Variants in ITPKB observed in about 807,000 individuals in gnomAD.
The protein encoded by ITPKB is IP3 3-kinase B.
ITPKB carries 13 observed loss-of-function variants against 69.4 expected under a neutral mutation model. The observed-to-expected ratio is 0.19, with a 90% confidence interval of 0.12 to 0.30. The LOEUF is 0.30. Among genes scored for constraint, ITPKB ranks in the 10% least tolerant of loss-of-function variants. The probability of loss-of-function intolerance (pLI) is 1.00; values close to 1 mark genes in which losing one functional copy is unlikely to be tolerated. For missense variants in ITPKB, 1,240 were observed against 1,250.5 expected (o/e 0.99, Z 0.13); for synonymous variants, 584 against 513.7 (o/e 1.14, Z -1.85).
intron 2 of ITPKB, chr1:226,669,118 A>T (rs1357198724): frequency 6.6e-6 from 1 of 152,204 alleles, no homozygotes; most frequent in Non-Finnish European, 1.5e-5. Flanking sequence ...GGAGTATTTT[A>T]AAAAATCTAC....
intron 2 of ITPKB, among the ~76,000 whole-genome samples, chr1:226,667,235 G>A (rs914116835): frequency 2.6e-5 from 4 of 152,176 alleles, no homozygotes; most frequent in Admixed American, 2.0e-4. Flanking sequence ...CTTGAGGACT[G>A]GAAATGGCCA....
rs1185864560 is a variant in ITPKB at position 226,737,666 on chromosome 1, G to A, written c.-205-3C>T. On this transcript the variant is annotated splice_polypyrimidine_tract_variant and splice_region_variant and intron_variant, in intron 1 of 7. Transcript: ENST00000429204. ...AAGCTCCATAAACAACCGTGCGGCT[G>A]TGGAGATACAAGGAGAAAAGTCAGG... 1 of 1,031,650 alleles carries A rather than the reference G, an allele frequency of 9.7e-7. No individual in the cohort carries two copies. The highest frequency in any genetic ancestry group is 1.2e-6 in the Non-Finnish European group (1 of 845,772). 63.9% of individuals were successfully genotyped at this position (1,031,650 alleles called of 1,614,324 possible).
Position 226,633,555 on chromosome 1 carries a change from A to G in ITPKB, c.*1116T>C, listed in dbSNP as rs1182993292. The G allele has an allele frequency of 1.3e-5, 2 of 152,198 alleles. No individual in the cohort carries two copies. The highest frequency in any genetic ancestry group is 2.1e-4 in the South Asian group (1 of 4,834). 9.4% of individuals were successfully genotyped at this position (152,198 alleles called of 1,614,324 possible). A position where few individuals can be genotyped will look rare whatever the true frequency, so the allele number is the denominator to read the frequency against. ...CGCCCTGGCATCCACCACATACCCT[A>G]CAAGATACCCACACTACATTGGAGA... On this transcript the variant is annotated 3_prime_UTR_variant, in exon 8 of 8. Coordinates refer to ENST00000429204, the MANE Select transcript of ITPKB (RefSeq NM_002221.4).
chr1:226,666,871 C>A (rs908354177), intron 2 of ITPKB, among the ~76,000 whole-genome samples: 1 of 152,208 alleles, frequency 6.6e-6, no homozygotes, highest in Admixed American at 6.5e-5. Flanking sequence ...ACAGACCACA[C>A]ATGGACTCTC....
At chr1:226,658,074 GC>G (rs1477148147) in intron 2 of ITPKB, among the ~76,000 whole-genome samples, 1 of 152,214 alleles carries the variant, frequency 6.6e-6, no homozygotes, top group African/African-American at 2.4e-5. Context: ...CTGTGTCAAA[GC>G]CTTTGTTTTG....
At chr1:226,709,264 T>C (rs1656883797) in intron 2 of ITPKB, among the ~76,000 whole-genome samples, 1 of 152,200 alleles carries the variant, frequency 6.6e-6, no homozygotes, top group Non-Finnish European at 1.5e-5. Context: ...ATGCCTTTAT[T>C]CTGGCTGCAC....
intron 2 of ITPKB, among the ~76,000 whole-genome samples, chr1:226,715,248 T>C (rs1657066706): frequency 6.6e-6 from 1 of 152,256 alleles, no homozygotes; most frequent in African/African-American, 2.4e-5. Flanking sequence ...CCATGAACGT[T>C]TGTGAACTCC....
intron 6 of ITPKB, among the ~76,000 whole-genome samples, chr1:226,638,073 G>A (rs966687244): frequency 1.3e-5 from 2 of 152,192 alleles, no homozygotes; most frequent in African/African-American, 2.4e-5. Flanking sequence ...AGCTCTGTGG[G>A]TCTCACCCCC....
rs546608648 is a variant in ITPKB, at chr1:226,659,080, G to A, written c.1933-10309C>T. ...TTGAGGGACGCCACCATGGTCAATCGACCCCTAGCAGCACATTCTGGCCAA... is the reference window on the plus strand; with the variant it reads ...TTGAGGGACGCCACCATGGTCAATCAACCCCTAGCAGCACATTCTGGCCAA... On this transcript the variant is annotated intron_variant, in intron 2 of 7. Transcript: ENST00000429204. Among the ~76,000 whole-genome samples, 75 of 152,218 alleles carry A rather than the reference G, an allele frequency of 4.9e-4. No homozygotes were observed. In the South Asian group the frequency reaches 5.0e-3, roughly 10 times the overall value.
intron 2 of ITPKB, among the ~76,000 whole-genome samples, chr1:226,729,574 GTTTTGT>G (rs1055367279): frequency 6.0e-5 from 9 of 150,468 alleles, no homozygotes; most frequent in Admixed American, 3.3e-4. Context: ...AAAAGTTTTT[GTTTTGT>G]TTTTGTTTTT....
At chr1:226,716,305 C>T (rs892636028) in intron 2 of ITPKB, among the ~76,000 whole-genome samples, 2 of 152,172 alleles carry the variant, frequency 1.3e-5, no homozygotes, top group East Asian at 3.8e-4. Flanking sequence ...TTGCTCTACC[C>T]AGAGAATTTC....
At chr1:226,703,461 G>A (rs929188528) in intron 2 of ITPKB, among the ~76,000 whole-genome samples, 1 of 152,214 alleles carries the variant, frequency 6.6e-6, no homozygotes, top group Non-Finnish European at 1.5e-5. Context: ...TCTACAGGGG[G>A]CTTTTCTTCG....
rs958817562 is a variant in ITPKB at position 226,687,775 on chromosome 1, G to A, written c.1933-39004C>T. Among the ~76,000 whole-genome samples the A allele has an allele frequency of 3.9e-5, 6 of 152,276 alleles. No homozygotes were observed. In the South Asian group the frequency reaches 1.2e-3, roughly 32 times the overall value. ...GAAGGATCTCTAGCTGGGCAGCATC[G>A]CCATTGCTCCTCATTGTCCAGGGGC... On this transcript the variant is annotated intron_variant, in intron 2 of 7. Coordinates refer to ENST00000429204, the MANE Select transcript of ITPKB (RefSeq NM_002221.4).
chr1:226,664,563 T>G (rs1669462904), intron 2 of ITPKB, among the ~76,000 whole-genome samples: 1 of 152,162 alleles, frequency 6.6e-6, no homozygotes, highest in Non-Finnish European at 1.5e-5. Flanking sequence ...CTCCAAGGTC[T>G]CTGGGGAGAG....
intron 2 of ITPKB, among the ~76,000 whole-genome samples, chr1:226,684,248 C>A (rs1656150301): frequency 6.6e-6 from 1 of 152,150 alleles, no homozygotes; most frequent in Admixed American, 6.5e-5. Flanking sequence ...TGTAGAATCA[C>A]CCCCAAGAAA....
intron 2 of ITPKB, among the ~76,000 whole-genome samples, chr1:226,674,312 G>A (rs71646796): frequency 0.14 from 21,190 of 152,074 alleles, 1,864 homozygotes; most frequent in East Asian, 0.26. Flanking sequence ...CCAATCTCCT[G>A]CCTCAGCCTC....
intron 4 of ITPKB, 85 bp downstream of exon 4, chr1:226,647,082 C>A: frequency 7.8e-7 from 1 of 1,275,602 alleles, no homozygotes; most frequent in Non-Finnish European, 1.1e-6. Context: ...TGTGAGGCCT[C>A]CGGGAAGCCC....
At position 226,711,981 on chromosome 1, in the gene ITPKB, G is replaced by A. The variant is rs1426350527; in HGVS notation, c.1932+23546C>T. On this transcript the variant is annotated intron_variant, in intron 2 of 7. Transcript: ENST00000429204. ...TGCAAAAGGCCTCCCTGCGGGGAAG[G>A]TTTTCTCTCTCAGAAGGCGTCCCTC... Among the ~76,000 whole-genome samples, 3 of 152,190 alleles carry A rather than the reference G, an allele frequency of 2.0e-5. No homozygotes were observed. In the East Asian group the frequency reaches 5.8e-4, roughly 29 times the overall value.
At chr1:226,683,437 A>G (rs1656132051) in intron 2 of ITPKB, among the ~76,000 whole-genome samples, 1 of 152,198 alleles carries the variant, frequency 6.6e-6, no homozygotes, top group South Asian at 2.1e-4. Context: ...ACAGAGGCTC[A>G]GGCAGATGCC....
Sources: allele counts gnomAD v4.1 joint callset (sites outside exome capture counted in the v4.1 genomes callset), GRCh38; gene constraint gnomAD v4.1.1; transcripts MANE v1.5; gene names NCBI Gene and HGNC (gene_info 2026-07-23, HGNC 2026-07-21).